LRP2: variants seen among roughly 807,000 people sequenced by gnomAD.
LRP2 encodes the protein LDL receptor related protein 2.
In LRP2, 172 loss-of-function variants were observed where a neutral mutation model predicts 531.0. That is an observed-to-expected ratio of 0.32 (90% CI 0.29 to 0.37). The LOEUF (loss-of-function observed/expected upper bound fraction) is 0.37. Ranked by LOEUF, LRP2 falls within the 10% of genes least tolerant of loss-of-function variation. LRP2 has a pLI of 1.00. For synonymous variants in LRP2, 1,992 were observed against 2,027.6 expected (o/e 0.98, Z 0.47); for missense variants, 5,167 against 5,868.3 (o/e 0.88, Z 3.90).
rs1006546095 is a variant in LRP2 at position 169,299,695 on chromosome 2, G to A, written c.428-4985C>T. ...TAATGTACATCATGTTTAGTGGCACGGGGCTACATGTTTTCATTGAAAGCC... is the reference window on the plus strand; with the variant it reads ...TAATGTACATCATGTTTAGTGGCACAGGGCTACATGTTTTCATTGAAAGCC... On this transcript the variant is annotated intron_variant, in intron 4 of 78. Transcript: ENST00000649046. Among the ~76,000 whole-genome samples, 12 of 152,002 alleles carry A rather than the reference G, an allele frequency of 7.9e-5. 1 individual carries two copies. The highest frequency in any genetic ancestry group is 3.2e-3 in the Middle Eastern group (1 of 316).
intron 1 of LRP2, among the ~76,000 whole-genome samples, chr2:169,335,350 C>T (rs1685375279): frequency 6.6e-6 from 1 of 152,180 alleles, no homozygotes; most frequent in African/African-American, 2.4e-5. Flanking sequence ...CAGGCTTTCC[C>T]AGAATTGACC....
intron 14 of LRP2, among the ~76,000 whole-genome samples, chr2:169,274,657 A>G (rs1019495343): frequency 4.6e-5 from 7 of 152,094 alleles, no homozygotes; most frequent in African/African-American, 1.4e-4. Context: ...ATTTTCTTCT[A>G]TGGGACCTGT....
intron 38 of LRP2, among the ~76,000 whole-genome samples, chr2:169,208,331 A>T (rs1387352515): frequency 6.6e-6 from 1 of 152,242 alleles, no homozygotes; most frequent in African/African-American, 2.4e-5. Context: ...AGTAATTTCT[A>T]TTCAGGAACG....
At chr2:169,181,311 G>A in intron 52 of LRP2, 137 bp downstream of exon 52, 1 of 779,114 alleles carries the variant, frequency 1.3e-6, no homozygotes, top group South Asian at 1.6e-5. Context: ...GTTTTAGTTA[G>A]AAGTGTGACT....
intron 9 of LRP2, among the ~76,000 whole-genome samples, chr2:169,283,238 A>C (rs1683754778): frequency 6.6e-6 from 1 of 152,228 alleles, no homozygotes; most frequent in Non-Finnish European, 1.5e-5. Context: ...AAAATGCACA[A>C]CACTTCCTGA....
chr2:169,334,712 C>T (rs777537041), intron 1 of LRP2, among the ~76,000 whole-genome samples: 1 of 152,150 alleles, frequency 6.6e-6, no homozygotes, highest in Non-Finnish European at 1.5e-5. Flanking sequence ...ACCACTGAAC[C>T]TTCACTCAAT....
intron 9 of LRP2, among the ~76,000 whole-genome samples, chr2:169,283,428 C>T (rs1683760800): frequency 6.6e-6 from 1 of 152,168 alleles, no homozygotes. Context: ...AATTTGCTTT[C>T]CTAGTCACTT....
chr2:169,162,632 T>C, intron 62 of LRP2, 32 bp from the exon 63 acceptor site: 2 of 1,612,674 alleles, frequency 1.2e-6, no homozygotes, highest in Non-Finnish European at 1.7e-6. Context: ...AAATCAAAAC[T>C]TTTTCTTTTA....
intron 6 of LRP2, 29 bp from the exon 7 acceptor site, chr2:169,292,398 A>C: frequency 2.1e-6 from 3 of 1,407,566 alleles, no homozygotes; most frequent in Non-Finnish European, 3.0e-6. Flanking sequence ...TGCACTCCAA[A>C]GACACAAATC....
At chr2:169,140,034 T>A (rs913972573) in intron 72 of LRP2, among the ~76,000 whole-genome samples, 1 of 152,248 alleles carries the variant, frequency 6.6e-6, no homozygotes, top group Non-Finnish European at 1.5e-5. Context: ...TCCCAGTCTT[T>A]CTGCTCATCA....
chr2:169,226,687 A>G lies in LRP2; in HGVS notation c.5228-99T>C, dbSNP rs1689212106. The G allele has an allele frequency of 5.8e-6, 5 of 863,410 alleles. No individual in the cohort carries two copies. The South Asian group carries it at 6.9e-5, about 12-fold the overall frequency. The allele number at this position is 863,410 out of a possible 1,614,324, so 53.5% of individuals were successfully genotyped here. ...AGCCTGTTACCATCATATGGGCTAAAATGACATTGCAGCATTGCAGCAATA... is the reference window on the plus strand; with the variant it reads ...AGCCTGTTACCATCATATGGGCTAAGATGACATTGCAGCATTGCAGCAATA... On this transcript the variant is annotated intron_variant, in intron 31 of 78. Coordinates refer to ENST00000649046, the MANE Select transcript of LRP2 (RefSeq NM_004525.3).
At chr2:169,158,007 A>G (rs1686403136) in intron 63 of LRP2, among the ~76,000 whole-genome samples, 1 of 151,052 alleles carries the variant, frequency 6.6e-6, no homozygotes, top group Admixed American at 6.6e-5. Flanking sequence ...ATAGGAGGAA[A>G]TTATAAAATT....
intron 16 of LRP2, among the ~76,000 whole-genome samples, chr2:169,259,857 T>C (rs1187269587): frequency 3.3e-5 from 5 of 152,128 alleles, no homozygotes; most frequent in Non-Finnish European, 7.4e-5. Flanking sequence ...CATACCTCTT[T>C]CTTTTGCAGT....
chr2:169,242,796 T>G (rs1689855889), intron 24 of LRP2, among the ~76,000 whole-genome samples, 160 bp downstream of exon 24: 1 of 152,244 alleles, frequency 6.6e-6, no homozygotes, highest in East Asian at 1.9e-4. Context: ...TATATGGCAA[T>G]GTCTACTCAA....
chr2:169,233,315 C>T, intron 30 of LRP2, 96 bp downstream of exon 30: 1 of 1,379,598 alleles, frequency 7.2e-7, no homozygotes. Context: ...AATGTATTGT[C>T]CAAACAAATG....
Position 169,271,066 on chromosome 2 carries a change from G to A in LRP2, c.2158C>T (p.Arg720Cys), listed in dbSNP as rs1194431241. 5.6e-6 allele frequency: 9 copies of A among 1,613,022 alleles called. No individual in the cohort carries two copies. The highest frequency in any genetic ancestry group is 7.6e-6 in the Non-Finnish European group (9 of 1,179,428). The change falls in exon 16 of 79, where the codon CGT (arginine) becomes TGT (cysteine). Residue 720 changes from arginine (R) to cysteine (C), a missense_variant. Transcript: ENST00000649046. ...FLIFSSQVAI[R>C]GIPFTLSTQE... is the part of the protein sequence containing the mutation. The stretch of plus-strand genomic sequence containing the variant: ...GTAGACAAGGTGAACGGGATCCCAC[G>A]AATAGCAACTTGGGATGAAAAAATG...
intron 32 of LRP2, among the ~76,000 whole-genome samples, chr2:169,225,956 G>GC (rs1689186389): frequency 6.6e-6 from 1 of 152,196 alleles, no homozygotes; most frequent in Non-Finnish European, 1.5e-5. Flanking sequence ...CTAAAGGAAG[G>GC]CCCCAGCACC....
rs763525338 is a variant in LRP2, at chr2:169,294,714, T to A, written c.428-4A>T. On this transcript the variant is annotated splice_polypyrimidine_tract_variant and splice_region_variant and intron_variant, in intron 4 of 78. Transcript: ENST00000649046. The stretch of plus-strand genomic sequence containing the variant: ...AGCTGCTCACATGTTGGGTACTCTA[T>A]TGTAAAAAAAAAAAAAAAAAAAAAA... The A allele has an allele frequency of 8.9e-7, 1 of 1,125,274 alleles. No individual in the cohort carries two copies. Among genetic ancestry groups the A allele is most frequent in the Non-Finnish European group, 1.2e-6 (1 of 822,072 alleles). 69.7% of individuals were successfully genotyped at this position (1,125,274 alleles called of 1,614,324 possible).
intron 3 of LRP2, among the ~76,000 whole-genome samples, chr2:169,314,580 T>C (rs1044460399): frequency 6.6e-6 from 1 of 152,238 alleles, no homozygotes; most frequent in African/African-American, 2.4e-5. Context: ...TATATCTTCC[T>C]TGTCATTTTG....
Sources: allele counts gnomAD v4.1 joint callset (sites outside exome capture counted in the v4.1 genomes callset), GRCh38; gene constraint gnomAD v4.1.1; transcripts MANE v1.5; gene names NCBI Gene and HGNC (gene_info 2026-07-23, HGNC 2026-07-21).